The following USP14 variants were observed in gnomAD, a reference collection of about 807,000 sequenced individuals.
USP14 encodes the protein ubiquitin carboxyl-terminal hydrolase 14.
A neutral mutation model predicts 76.5 loss-of-function variants in USP14; 38 were observed. The observed-to-expected ratio is 0.50, with a 90% confidence interval of 0.38 to 0.65. The LOEUF (loss-of-function observed/expected upper bound fraction) is 0.65, where lower values mean the gene tolerates loss of function less well. USP14 is among the 30% of genes least tolerant of loss of function. USP14 has a pLI of 0.00. For missense variants in USP14, 467 were observed against 586.5 expected (o/e 0.80, Z 2.10); for synonymous variants, 192 against 191.7 (o/e 1.00, Z -0.01).
At chr18:199,167 AC>A in intron 9 of USP14, 34 bp from the exon 10 acceptor site, 1 of 1,336,392 alleles carries the variant, frequency 7.5e-7, no homozygotes, top group Non-Finnish European at 1.1e-6. Flanking sequence ...CAAATTGAAT[AC>A]CCGTTGGCAT....
At position 180,047 on chromosome 18, in the gene USP14, A is replaced by G. The variant is rs181602802; in HGVS notation, c.301-189A>G. ...ACTAAAACATAATATGATGGCCAGCATGATCCAAGTAAACTTTTTTTTGGG... is the reference window on the plus strand; with the variant it reads ...ACTAAAACATAATATGATGGCCAGCGTGATCCAAGTAAACTTTTTTTTGGG... On this transcript the variant is annotated intron_variant, in intron 4 of 15. Coordinates refer to ENST00000261601, the MANE Select transcript of USP14 (RefSeq NM_005151.4). Among the ~76,000 whole-genome samples, 4 of 152,112 alleles carry G rather than the reference A, an allele frequency of 2.6e-5. No individual in the cohort carries two copies. In the South Asian group the frequency reaches 6.2e-4, roughly 24 times the overall value.
At chr18:178,411 CAT>C (rs2144232217) in intron 3 of USP14, among the ~76,000 whole-genome samples, 1 of 152,170 alleles carries the variant, frequency 6.6e-6, no homozygotes, top group African/African-American at 2.4e-5. Context: ...ATATTGTAAA[CAT>C]TATTAGGTGT....
intron 2 of USP14, among the ~76,000 whole-genome samples, chr18:166,388 A>G (rs1311226927): frequency 6.6e-6 from 1 of 151,982 alleles, no homozygotes; most frequent in African/African-American, 2.4e-5. Context: ...GCTGGAGTGC[A>G]GTGGTGAGAT....
At chr18:204,916 T>C (rs930159414) in intron 13 of USP14, among the ~76,000 whole-genome samples, 1 of 152,094 alleles carries the variant, frequency 6.6e-6, no homozygotes, top group Non-Finnish European at 1.5e-5. Context: ...TTTTTTTTTT[T>C]TGTGACAAGG....
intron 13 of USP14, among the ~76,000 whole-genome samples, chr18:209,600 C>T (rs1295427790): frequency 6.6e-6 from 1 of 152,018 alleles, no homozygotes; most frequent in Non-Finnish European, 1.5e-5. Flanking sequence ...GTTGTTTTTT[C>T]CCCCCACCTC....
rs1379717974 is a variant in USP14, at chr18:212,812, G to A, written c.*1528G>A. 1 of 152,156 alleles carries A rather than the reference G, an allele frequency of 6.6e-6. No individual in the cohort carries two copies. Among genetic ancestry groups the A allele is most frequent in the Non-Finnish European group, 1.5e-5 (1 of 68,026 alleles). 9.4% of individuals were successfully genotyped at this position (152,156 alleles called of 1,614,324 possible). A position where few individuals can be genotyped will look rare whatever the true frequency, so the allele number is the denominator to read the frequency against. Reference sequence around the variant, plus strand: ...TACCAGCCAGTTTGGCTCTGATTTTGAGTTATTTATAATAAAGTTTGGGGA... The same window carrying A: ...TACCAGCCAGTTTGGCTCTGATTTTAAGTTATTTATAATAAAGTTTGGGGA... On this transcript the variant is annotated 3_prime_UTR_variant, in exon 16 of 16. Coordinates refer to ENST00000261601, the MANE Select transcript of USP14 (RefSeq NM_005151.4).
intron 5 of USP14, among the ~76,000 whole-genome samples, chr18:185,941 A>G (rs899804849): frequency 3.3e-5 from 5 of 150,854 alleles, no homozygotes; most frequent in African/African-American, 9.8e-5. Flanking sequence ...GCCTCAATCA[A>G]TCCTCCCAGC....
At chr18:167,237 G>A (rs537517827) in intron 3 of USP14, among the ~76,000 whole-genome samples, 7 of 152,232 alleles carry the variant, frequency 4.6e-5, no homozygotes, top group African/African-American at 9.6e-5. Flanking sequence ...AGCCGAGATC[G>A]TGCCACTGCA....
intron 10 of USP14, among the ~76,000 whole-genome samples, chr18:202,541 A>G (rs534692555): frequency 6.6e-6 from 1 of 152,344 alleles, no homozygotes; most frequent in Non-Finnish European, 1.5e-5. Flanking sequence ...GAATATTCTG[A>G]TAATAAACAG....
At chr18:159,459 G>A (rs988028438) in intron 1 of USP14, among the ~76,000 whole-genome samples, 1 of 152,162 alleles carries the variant, frequency 6.6e-6, no homozygotes, top group Non-Finnish European at 1.5e-5. Flanking sequence ...GGACCTTGCT[G>A]CTCCCTAGCC....
chr18:173,313 A>T (rs144742342), intron 3 of USP14, among the ~76,000 whole-genome samples: 9 of 151,302 alleles, frequency 5.9e-5, no homozygotes, highest in African/African-American at 1.2e-4. Flanking sequence ...GGGTTTCACC[A>T]TGTTAGCCAG....
intron 14 of USP14, 52 bp downstream of exon 14, chr18:210,083 G>A (rs1910630059): frequency 7.1e-7 from 1 of 1,416,428 alleles, no homozygotes; most frequent in South Asian, 1.3e-5. Context: ...TCTTTTTAAG[G>A]TAAAATTTAC....
intron 3 of USP14, among the ~76,000 whole-genome samples, chr18:173,305 G>A (rs188833686): frequency 2.6e-4 from 40 of 151,586 alleles, no homozygotes; most frequent in Admixed American, 2.2e-3. Context: ...TAGAGACGGG[G>A]TTTCACCATG....
rs556719514 is a variant in USP14, at chr18:165,108, G to T, written c.162+1655G>T. Among the ~76,000 whole-genome samples the T allele has an allele frequency of 6.6e-5, 10 of 152,100 alleles. No individual in the cohort carries two copies. The East Asian group carries it at 1.9e-3, about 30-fold the overall frequency. ...GGATAACAGGTCACCACCACCATGC[G>T]TGACAAATGTTTGTATTTTTGGTAG... On this transcript the variant is annotated intron_variant, in intron 2 of 15. Coordinates refer to ENST00000261601, the MANE Select transcript of USP14 (RefSeq NM_005151.4).
rs1273676057 is a variant in USP14 at position 213,728 on chromosome 18, GGAAAT to G, written c.*2446_*2450del. The stretch of plus-strand genomic sequence containing the variant: ...ATGACCTCATCTTAGAGCCCTAAAG[GGAAAT>G]GCTTATGTGGGAACAAGAAAAGTCG... On this transcript the variant is annotated 3_prime_UTR_variant, in exon 16 of 16. Transcript: ENST00000261601. 1 of 152,326 alleles carries G rather than the reference GGAAAT, an allele frequency of 6.6e-6. No individual in the cohort carries two copies. The highest frequency in any genetic ancestry group is 2.4e-5 in the African/African-American group (1 of 41,392). The allele number at this position is 152,326 out of a possible 1,614,324, so 9.4% of individuals were successfully genotyped here. A position where few individuals can be genotyped will look rare whatever the true frequency, so the allele number is the denominator to read the frequency against.
chr18:199,197 C>T lies in USP14; in HGVS notation c.762-5C>T. 2 of 1,598,558 alleles carry T rather than the reference C, an allele frequency of 1.3e-6. No homozygotes were observed. Among genetic ancestry groups the T allele is most frequent in the African/African-American group, 2.7e-5 (2 of 74,668 alleles). On this transcript the variant is annotated splice_polypyrimidine_tract_variant and splice_region_variant and intron_variant, in intron 9 of 15. Transcript: ENST00000261601. ...TTGGCATATTCCTTATCTTAGTTTA[C>T]AAAGCATGAAATGTACAGAATCTGA... is the stretch of plus-strand genomic sequence containing the variant.
intron 9 of USP14, among the ~76,000 whole-genome samples, chr18:198,624 TG>T (rs1910305285): frequency 6.6e-6 from 1 of 152,190 alleles, no homozygotes; most frequent in Non-Finnish European, 1.5e-5. Flanking sequence ...CATTATGTTT[TG>T]ATTAATATAA....
rs1237768082 is a variant in USP14, at chr18:160,595, A to G, written c.16+1881A>G. On this transcript the variant is annotated intron_variant, in intron 1 of 15. Transcript: ENST00000261601. ...ACATATTGCTTTGTTTTAATCTTCA[A>G]CGTAATCCTGTGATACTGGTATAAT... is the stretch of plus-strand genomic sequence containing the variant. 3.3e-5 allele frequency among the ~76,000 whole-genome samples: 5 copies of G among 152,216 alleles called. No homozygotes were observed. The South Asian group carries it at 6.2e-4, about 19-fold the overall frequency.
chr18:181,340 A>G (rs890656180), intron 5 of USP14, among the ~76,000 whole-genome samples: 1 of 152,180 alleles, frequency 6.6e-6, no homozygotes, highest in Non-Finnish European at 1.5e-5. Flanking sequence ...AAAATTGCCA[A>G]TATTGTCTGT....
Sources: gnomAD v4.1 joint callset for allele counts (sites outside exome capture counted in the v4.1 genomes callset) on GRCh38, gnomAD v4.1.1 for gene constraint, MANE v1.5 for transcripts, NCBI Gene and HGNC (gene_info 2026-07-23, HGNC 2026-07-21) for gene names.